PLPPR4: variants seen among roughly 807,000 people sequenced by gnomAD.
PLPPR4 encodes phospholipid phosphatase-related protein type 4.
Under a neutral mutation model 56.6 loss-of-function variants are expected in PLPPR4, and 24 were observed. That is an observed-to-expected ratio of 0.42 (90% confidence interval 0.31 to 0.60). The LOEUF (loss-of-function observed/expected upper bound fraction) is 0.60. Among genes scored for constraint, PLPPR4 ranks in the 20% least tolerant of loss-of-function variants. PLPPR4 has a pLI of 0.13. For synonymous variants in PLPPR4, 326 were observed against 328.1 expected, an observed-to-expected ratio of 0.99 and a Z score of 0.07; for missense variants, 654 against 885.8, an observed-to-expected ratio of 0.74 and a Z score of 3.32.
intron 1 of PLPPR4, among the ~76,000 whole-genome samples, chr1:99,268,593 T>A (rs1658969246): frequency 6.6e-6 from 1 of 152,252 alleles, no homozygotes; most frequent in Non-Finnish European, 1.5e-5. Context: ...TGCTTGCTAA[T>A]GAAATGGCTT....
In PLPPR4 at chr1:99,287,041, C is replaced by A. The variant is rs1659482238; in HGVS notation, c.79-924C>A. On this transcript the variant is annotated intron_variant, in intron 1 of 6. Transcript: ENST00000370185. ...TGTCTTCTAAGTTCCCTCCCCTCAACCCTCAACCCCCAACATGCCCTGGTG... is the reference window on the plus strand; with the variant it reads ...TGTCTTCTAAGTTCCCTCCCCTCAAACCTCAACCCCCAACATGCCCTGGTG... Among the ~76,000 whole-genome samples the A allele has an allele frequency of 2.0e-5, 3 of 152,068 alleles. No homozygotes were observed. In the South Asian group the frequency reaches 6.2e-4, roughly 32 times the overall value.
At position 99,308,623 on chromosome 1, in the gene PLPPR4, G is replaced by A. The variant is rs1419959551; in HGVS notation, c.*1613G>A. 6.6e-6 allele frequency: 1 copy of A among 152,538 alleles called. No individual in the cohort carries two copies. Among genetic ancestry groups the A allele is most frequent in the African/African-American group, 2.4e-5 (1 of 41,418 alleles). 9.4% of individuals were successfully genotyped at this position (152,538 alleles called of 1,614,324 possible). A position where few individuals can be genotyped will look rare whatever the true frequency, so the allele number is the denominator to read the frequency against. On this transcript the variant is annotated 3_prime_UTR_variant, in exon 7 of 7. Transcript: ENST00000370185. ...TTAGCTCACTTTCCAATAACAGAAG[G>A]AGTTGTTTACAGATGAATAGTATCA...
At chr1:99,293,432 T>C (rs1659670792) in intron 2 of PLPPR4, among the ~76,000 whole-genome samples, 1 of 152,154 alleles carries the variant, frequency 6.6e-6, no homozygotes, top group Admixed American at 6.6e-5. Flanking sequence ...TTTAGAGTGA[T>C]AAAACAAGCA....
chr1:99,298,874 T>C lies in PLPPR4; in HGVS notation c.395-161T>C, dbSNP rs987739090. On this transcript the variant is annotated intron_variant, in intron 3 of 6. Transcript: ENST00000370185. ...TGCCTTTATTTTGGACTTAAGTATC[T>C]GTTTAGAAGTTTAGGAATTTTCTAT... 8.5e-5 allele frequency: 58 copies of C among 685,610 alleles called. No individual in the cohort carries two copies. The South Asian group carries it at 9.3e-4, about 11-fold the overall frequency. The allele number at this position is 685,610 out of a possible 1,614,324, so 42.5% of individuals were successfully genotyped here.
At chr1:99,287,457 G>A (rs1433557152) in intron 1 of PLPPR4, among the ~76,000 whole-genome samples, 1 of 152,128 alleles carries the variant, frequency 6.6e-6, no homozygotes, top group African/African-American at 2.4e-5. Context: ...GATCCTTGAG[G>A]AATTGCCATA....
intron 6 of PLPPR4, among the ~76,000 whole-genome samples, chr1:99,303,586 G>A (rs1557783392): frequency 6.6e-6 from 1 of 152,156 alleles, no homozygotes; most frequent in Non-Finnish European, 1.5e-5. Context: ...GCTGACAGAA[G>A]TAAAAATAAA....
At position 99,265,939 on chromosome 1, in the gene PLPPR4, T is replaced by C. The variant is rs1053811913; in HGVS notation, c.78+1268T>C. Among the ~76,000 whole-genome samples the C allele has an allele frequency of 2.6e-5, 4 of 152,314 alleles. No individual in the cohort carries two copies. The South Asian group carries it at 8.3e-4, about 32-fold the overall frequency. On this transcript the variant is annotated intron_variant, in intron 1 of 6. Coordinates refer to ENST00000370185, the MANE Select transcript of PLPPR4 (RefSeq NM_014839.5). The stretch of plus-strand genomic sequence containing the variant: ...ACTTGCATAACTTTCAGAGAAATGA[T>C]GGGTGACCCCTGCATTCATGAACCA...
intron 1 of PLPPR4, among the ~76,000 whole-genome samples, chr1:99,267,877 G>A (rs1204249936): frequency 1.3e-5 from 2 of 152,188 alleles, no homozygotes; most frequent in Non-Finnish European, 2.9e-5. Context: ...CATTTATAAA[G>A]TACTTAGTAT....
Position 99,307,034 on chromosome 1 carries a change from G to T in PLPPR4, c.*24G>T, listed in dbSNP as rs371021923. The T allele has an allele frequency of 1.9e-6, 3 of 1,557,612 alleles. No individual in the cohort carries two copies. Among genetic ancestry groups the T allele is most frequent in the East Asian group, 2.2e-5 (1 of 44,512 alleles). On this transcript the variant is annotated 3_prime_UTR_variant, in exon 7 of 7. Transcript: ENST00000370185. ...GAGTGATGTCCATTCCATCATTAGGGCTACTCGCAAAAGACCATATGTTGA... is the reference window on the plus strand; with the variant it reads ...GAGTGATGTCCATTCCATCATTAGGTCTACTCGCAAAAGACCATATGTTGA...
At chr1:99,295,065 A>C (rs1659710288) in intron 2 of PLPPR4, among the ~76,000 whole-genome samples, 1 of 152,232 alleles carries the variant, frequency 6.6e-6, no homozygotes, top group Admixed American at 6.5e-5. Flanking sequence ...TCTATGTCTA[A>C]CTTGAAGTGC....
intron 1 of PLPPR4, among the ~76,000 whole-genome samples, chr1:99,283,517 G>C (rs1324758165): frequency 2.0e-5 from 3 of 152,094 alleles, no homozygotes; most frequent in Non-Finnish European, 4.4e-5. Flanking sequence ...TCTTTTGTTT[G>C]CCCTGTTCTC....
At chr1:99,302,498 G>A (rs78573000) in intron 6 of PLPPR4, among the ~76,000 whole-genome samples, 4 of 124,236 alleles carry the variant, frequency 3.2e-5, no homozygotes, top group Admixed American at 8.4e-5. Context: ...GAAATGAGAT[G>A]TATTCTTTTT....
At chr1:99,264,370 T>C (rs1292937292), upstream of PLPPR4, 8 of 1,207,544 alleles carry the variant, frequency 6.6e-6, no homozygotes, top group African/African-American at 6.2e-5. Flanking sequence ...GGAGCCAGAC[T>C]AGGGGAGGAA....
chr1:99,269,834 A>G (rs1219371022), intron 1 of PLPPR4, among the ~76,000 whole-genome samples: 3 of 152,188 alleles, frequency 2.0e-5, no homozygotes, highest in African/African-American at 7.2e-5. Context: ...ACAAAGACAC[A>G]TATGTATGCA....
intron 6 of PLPPR4, among the ~76,000 whole-genome samples, chr1:99,302,367 C>T (rs1423825588): frequency 6.6e-6 from 1 of 151,988 alleles, no homozygotes; most frequent in Non-Finnish European, 1.5e-5. Context: ...GGGAAATATC[C>T]TCAGCATAAG....
chr1:99,266,890 A>G (rs1310697274), intron 1 of PLPPR4, among the ~76,000 whole-genome samples: 2 of 152,260 alleles, frequency 1.3e-5, no homozygotes, highest in East Asian at 3.8e-4. Flanking sequence ...GAAGCTGGTG[A>G]GAATGCACTA....
rs190204940 is a variant in PLPPR4, at chr1:99,303,797, G to T, written c.823-1888G>T. On this transcript the variant is annotated intron_variant, in intron 6 of 6. Coordinates refer to ENST00000370185, the MANE Select transcript of PLPPR4 (RefSeq NM_014839.5). ...CATGCATTCTTCACTGCAGGAGAAA[G>T]GGATCAAATTAAAATTGGTGTGCCA... Among the ~76,000 whole-genome samples, 188 of 152,270 alleles carry T rather than the reference G, an allele frequency of 1.2e-3. 2 individuals carry two copies. Among genetic ancestry groups the T allele is most frequent in the Admixed American group, 0.012 (180 of 15,292 alleles).
chr1:99,280,498 A>G (rs1267226281), intron 1 of PLPPR4, among the ~76,000 whole-genome samples: 1 of 152,172 alleles, frequency 6.6e-6, no homozygotes, highest in Non-Finnish European at 1.5e-5. Flanking sequence ...TGGACACCTA[A>G]AACATTAAAA....
intron 4 of PLPPR4, among the ~76,000 whole-genome samples, chr1:99,300,554 G>T (rs1429425133): frequency 1.3e-5 from 2 of 151,964 alleles, no homozygotes; most frequent in African/African-American, 4.8e-5. Flanking sequence ...AAACCCCTAG[G>T]TTTTATGAGC....
Sources: allele counts gnomAD v4.1 joint callset (sites outside exome capture counted in the v4.1 genomes callset), GRCh38; gene constraint gnomAD v4.1.1; transcripts MANE v1.5; gene names NCBI Gene and HGNC (gene_info 2026-07-23, HGNC 2026-07-21).